The following FOXP1 variants were observed in gnomAD, a reference collection of about 807,000 sequenced individuals.
The protein encoded by FOXP1 is forkhead box P1.
A neutral mutation model predicts 98.2 loss-of-function variants in FOXP1; 15 were observed. The observed-to-expected ratio is 0.15, with a 90% CI of 0.10 to 0.24. FOXP1 has a LOEUF of 0.24. Among genes scored for constraint, FOXP1 ranks in the 10% least tolerant of loss-of-function variants. FOXP1 has a pLI of 1.00. For synonymous variants in FOXP1, 371 were observed against 314.5 expected (o/e 1.18, Z -1.90); for missense variants, 633 against 848.5 (o/e 0.75, Z 3.15).
At chr3:71,319,604 CCT>C (rs1462555793) in intron 4 of FOXP1, among the ~76,000 whole-genome samples, 3 of 152,264 alleles carry the variant, frequency 2.0e-5, no homozygotes, top group African/African-American at 4.8e-5. Flanking sequence ...TGCTATACTC[CCT>C]GTCTCCACTT....
At chr3:71,111,988 C>G (rs2057971497) in intron 7 of FOXP1, among the ~76,000 whole-genome samples, 4 of 151,914 alleles carry the variant, frequency 2.6e-5, no homozygotes, top group Admixed American at 6.6e-5. Context: ...TGTGTCGTGT[C>G]CTGTGCATTG....
At chr3:71,190,973 A>T (rs1360804918) in intron 6 of FOXP1, among the ~76,000 whole-genome samples, 6 of 152,184 alleles carry the variant, frequency 3.9e-5, no homozygotes, top group Non-Finnish European at 8.8e-5. Context: ...CCCTACATAA[A>T]CTTCCTTCTT....
At chr3:71,510,991 TA>T (rs2107319394) in intron 2 of FOXP1, among the ~76,000 whole-genome samples, 1 of 152,330 alleles carries the variant, frequency 6.6e-6, no homozygotes, top group South Asian at 2.1e-4. Flanking sequence ...GGCAGTGAAA[TA>T]TATTTGCACT....
chr3:71,183,374 C>A (rs2062447872), intron 6 of FOXP1, among the ~76,000 whole-genome samples: 1 of 152,124 alleles, frequency 6.6e-6, no homozygotes, highest in Admixed American at 6.6e-5. Context: ...TGGCGCGAGC[C>A]TGCAATCCCA....
chr3:70,985,866 T>C (rs929824493), intron 14 of FOXP1, among the ~76,000 whole-genome samples: 1 of 152,188 alleles, frequency 6.6e-6, no homozygotes, highest in Non-Finnish European at 1.5e-5. Context: ...GGACTCTAAA[T>C]AAATGGTTAT....
At chr3:71,018,993 G>C (rs931837711) in intron 11 of FOXP1, among the ~76,000 whole-genome samples, 2 of 152,200 alleles carry the variant, frequency 1.3e-5, no homozygotes, top group African/African-American at 4.8e-5. Context: ...CACACCCGCT[G>C]CATGTGTGGC....
intron 3 of FOXP1, among the ~76,000 whole-genome samples, chr3:71,437,952 C>A (rs935946109): frequency 6.6e-6 from 1 of 152,140 alleles, no homozygotes; most frequent in Non-Finnish European, 1.5e-5. Flanking sequence ...CACGGATCTG[C>A]TGATGGGAGG....
intron 12 of FOXP1, among the ~76,000 whole-genome samples, chr3:71,005,896 T>C (rs2042747115): frequency 6.6e-6 from 1 of 152,178 alleles, no homozygotes; most frequent in African/African-American, 2.4e-5. Flanking sequence ...ATCATAACTG[T>C]CTAATACATC....
chr3:71,444,490 C>T (rs1219679127), intron 3 of FOXP1, among the ~76,000 whole-genome samples: 1 of 152,008 alleles, frequency 6.6e-6, no homozygotes, highest in Non-Finnish European at 1.5e-5. Context: ...TCTCTCCTTG[C>T]AGCACTTCCG....
intron 6 of FOXP1, among the ~76,000 whole-genome samples, chr3:71,125,907 G>A (rs1205467222): frequency 6.6e-6 from 1 of 152,184 alleles, no homozygotes; most frequent in East Asian, 1.9e-4. Flanking sequence ...TGTGACCTGA[G>A]ACAAGTTACT....
intron 7 of FOXP1, among the ~76,000 whole-genome samples, chr3:71,078,425 C>A (rs1271300481): frequency 6.6e-6 from 1 of 152,026 alleles, no homozygotes; most frequent in African/African-American, 2.4e-5. Context: ...AATTAAAAAA[C>A]AAAACAAAGC....
intron 12 of FOXP1, among the ~76,000 whole-genome samples, chr3:71,013,809 C>T (rs2044031401): frequency 6.6e-6 from 1 of 152,146 alleles, no homozygotes; most frequent in Admixed American, 6.6e-5. Context: ...GGGATATAGA[C>T]CAAGGGAACA....
intron 4 of FOXP1, among the ~76,000 whole-genome samples, chr3:71,350,998 G>A (rs557978360): frequency 5.3e-5 from 8 of 151,992 alleles, no homozygotes; most frequent in African/African-American, 1.2e-4. Context: ...GTGTTTCACC[G>A]AAAGGCATGT....
intron 2 of FOXP1, chr3:71,572,040 A>T (rs1397828580): frequency 6.6e-6 from 1 of 152,246 alleles, no homozygotes; most frequent in Non-Finnish European, 1.5e-5. Flanking sequence ...ACTGAAGAAC[A>T]AGGTGCTATA....
At chr3:71,307,308 A>C (rs781194171) in intron 4 of FOXP1, among the ~76,000 whole-genome samples, 74 of 152,356 alleles carry the variant, frequency 4.9e-4, no homozygotes, top group Middle Eastern at 3.4e-3. Flanking sequence ...AAGCAATTTT[A>C]ATTTATTAAC....
intron 2 of FOXP1, chr3:71,567,855 A>G (rs1162089803): frequency 6.6e-6 from 1 of 151,920 alleles, no homozygotes; most frequent in Admixed American, 6.6e-5. Flanking sequence ...TCCAGAATGA[A>G]GCAGGTCACA....
chr3:71,047,823 C>G (rs2049236859), intron 9 of FOXP1, among the ~76,000 whole-genome samples: 1 of 152,168 alleles, frequency 6.6e-6, no homozygotes, highest in South Asian at 2.1e-4. Context: ...CTGCTTTGTT[C>G]TTGAAAAGAA....
intron 5 of FOXP1, among the ~76,000 whole-genome samples, chr3:71,285,541 T>A (rs1262267145): frequency 6.6e-6 from 1 of 152,192 alleles, no homozygotes; most frequent in Non-Finnish European, 1.5e-5. Flanking sequence ...CATTTTCAGA[T>A]GATGCTTTTC....
rs10546380 is a variant in FOXP1 at position 71,009,155 on chromosome 3, CGG to C, written c.974+6392_974+6393del. Among the ~76,000 whole-genome samples the C allele has an allele frequency of 5.8e-4, 12 of 20,762 alleles. 2 individuals carry two copies. The highest frequency in any genetic ancestry group is 1.3e-3 in the Non-Finnish European group (10 of 7,412). The allele number at this position is 20,762 out of a possible 152,430, so 13.6% of individuals were successfully genotyped here. A position where few individuals can be genotyped will look rare whatever the true frequency, so the allele number is the denominator to read the frequency against. ...TGGTTGGTCAATGAAATCATGGGGGCGGGGGGGGGGGGGCGCATGACACACGT... is the reference window on the plus strand; with the variant it reads ...TGGTTGGTCAATGAAATCATGGGGGCGGGGGGGGGGGCGCATGACACACGT... On this transcript the variant is annotated intron_variant, in intron 12 of 20. Coordinates refer to ENST00000649528, the MANE Select transcript of FOXP1 (RefSeq NM_001349338.3).
Sources: gnomAD v4.1 joint callset for allele counts (sites outside exome capture counted in the v4.1 genomes callset) on GRCh38, gnomAD v4.1.1 for gene constraint, MANE v1.5 for transcripts, NCBI Gene and HGNC (gene_info 2026-07-23, HGNC 2026-07-21) for gene names.